The following DNER variants were observed in gnomAD, a reference collection of about 807,000 sequenced individuals.
The protein encoded by DNER is delta/notch like EGF repeat containing, also known as delta and Notch-like epidermal growth factor-related receptor.
In DNER, 33 loss-of-function variants were observed where a neutral mutation model predicts 78.2. The ratio of observed to expected loss-of-function variants is 0.42; its 90% confidence interval spans 0.32 to 0.56. The LOEUF is 0.56. Among genes scored for constraint, DNER ranks in the 20% least tolerant of loss-of-function variants. The probability of loss-of-function intolerance (pLI) is 0.11; values close to 1 mark genes in which losing one functional copy is unlikely to be tolerated. For synonymous variants in DNER, 417 were observed against 384.8 expected, an observed-to-expected ratio of 1.08 and a Z score of -0.98; for missense variants, 918 against 975.3, an observed-to-expected ratio of 0.94 and a Z score of 0.78.
intron 1 of DNER, among the ~76,000 whole-genome samples, chr2:229,676,098 G>A (rs534122488): frequency 6.6e-6 from 1 of 152,304 alleles, no homozygotes; most frequent in African/African-American, 2.4e-5. Flanking sequence ...AGGGACTGTC[G>A]ACAAGTGTGC....
intron 5 of DNER, among the ~76,000 whole-genome samples, chr2:229,542,680 G>C (rs920669016): frequency 6.6e-6 from 1 of 150,584 alleles, no homozygotes; most frequent in Non-Finnish European, 1.5e-5. Flanking sequence ...AGAAAAAAAC[G>C]TGATGACAAC....
intron 8 of DNER, among the ~76,000 whole-genome samples, chr2:229,421,821 C>A (rs1392210109): frequency 6.6e-6 from 1 of 152,018 alleles, no homozygotes; most frequent in Non-Finnish European, 1.5e-5. Context: ...CCTAGGAGAT[C>A]TTTTAACAAT....
intron 6 of DNER, among the ~76,000 whole-genome samples, chr2:229,485,903 A>G (rs928733638): frequency 1.6e-4 from 25 of 152,146 alleles, no homozygotes; most frequent in Non-Finnish European, 2.6e-4. Flanking sequence ...GAAGGCTCCC[A>G]TGGTGGCAAT....
At chr2:229,655,434 A>T (rs962377891) in intron 1 of DNER, among the ~76,000 whole-genome samples, 3 of 152,154 alleles carry the variant, frequency 2.0e-5, no homozygotes, top group Non-Finnish European at 1.5e-5. Flanking sequence ...ATACCATCAG[A>T]CTCAGGAAAA....
At chr2:229,543,445 G>A (rs566522245) in intron 5 of DNER, among the ~76,000 whole-genome samples, 1 of 152,194 alleles carries the variant, frequency 6.6e-6, no homozygotes, top group Non-Finnish European at 1.5e-5. Flanking sequence ...ACCGCCTTAC[G>A]GAATCAACGT....
rs150647030 is a variant in DNER at position 229,609,538 on chromosome 2, C to T, written c.277-17650G>A. Among the ~76,000 whole-genome samples the T allele has an allele frequency of 1.4e-4, 22 of 152,292 alleles. No homozygotes were observed. In the East Asian group the frequency reaches 3.7e-3, roughly 25 times the overall value. On this transcript the variant is annotated intron_variant, in intron 1 of 12. Transcript: ENST00000341772. ...TTATCTGGCTGCCTTCACATGGCAA[C>T]GGCACAGGTGAACGGTTGCCACAGA...
intron 1 of DNER, among the ~76,000 whole-genome samples, chr2:229,658,550 A>T (rs532602570): frequency 6.6e-6 from 1 of 152,224 alleles, no homozygotes. Context: ...TTCCTTCAAC[A>T]TGAATTCATT....
At chr2:229,696,389 C>A (rs180828306) in intron 1 of DNER, among the ~76,000 whole-genome samples, 1 of 152,288 alleles carries the variant, frequency 6.6e-6, no homozygotes, top group East Asian at 1.9e-4. Context: ...AGGAAACTGA[C>A]CAAATACCAA....
At chr2:229,442,990 C>A (rs1244579591) in intron 8 of DNER, among the ~76,000 whole-genome samples, 2 of 152,036 alleles carry the variant, frequency 1.3e-5, no homozygotes, top group African/African-American at 4.8e-5. Context: ...AGTTACCAGC[C>A]CTTTGGTGAA....
At chr2:229,487,870 C>T (rs1256198002) in intron 6 of DNER, among the ~76,000 whole-genome samples, 1 of 152,216 alleles carries the variant, frequency 6.6e-6, no homozygotes, top group Non-Finnish European at 1.5e-5. Flanking sequence ...GGCACATGTG[C>T]ATGGCAGTGC....
intron 4 of DNER, among the ~76,000 whole-genome samples, chr2:229,559,616 GA>G (rs943805687): frequency 4.0e-5 from 6 of 151,582 alleles, no homozygotes; most frequent in African/African-American, 1.5e-4. Context: ...AGATGCTGGA[GA>G]AAAAAAAGAC....
intron 5 of DNER, among the ~76,000 whole-genome samples, chr2:229,537,470 C>T (rs117780071): frequency 5.1e-4 from 78 of 152,228 alleles, no homozygotes; most frequent in East Asian, 2.9e-3. Flanking sequence ...TATATTAGCT[C>T]TTGGGCCTTG....
intron 3 of DNER, among the ~76,000 whole-genome samples, chr2:229,587,578 A>G (rs925865723): frequency 2.0e-5 from 3 of 152,254 alleles, no homozygotes; most frequent in African/African-American, 7.2e-5. Flanking sequence ...AGTGCAACAG[A>G]TTGGTTAACC....
intron 1 of DNER, among the ~76,000 whole-genome samples, chr2:229,613,572 C>T (rs563125086): frequency 6.6e-6 from 1 of 151,922 alleles, no homozygotes; most frequent in South Asian, 2.1e-4. Flanking sequence ...AAACCACAAA[C>T]ATAATATATG....
Position 229,470,681 on chromosome 2 carries a change from C to G in DNER, c.1261+6459G>C, listed in dbSNP as rs983187235. 3.9e-5 allele frequency among the ~76,000 whole-genome samples: 6 copies of G among 152,208 alleles called. No individual in the cohort carries two copies. In the South Asian group the frequency reaches 1.2e-3, roughly 32 times the overall value. On this transcript the variant is annotated intron_variant, in intron 7 of 12. Coordinates refer to ENST00000341772, the MANE Select transcript of DNER (RefSeq NM_139072.4). ...CCTGGCCAACATGGTGAAACCCCGT[C>G]TCTACTAAAAATACAAAAATTAGCC...
rs1559219165 is a variant in DNER, at chr2:229,714,424, G to C, written c.-1C>G. The C allele has an allele frequency of 8.8e-7, 1 of 1,141,550 alleles. No homozygotes were observed. Among genetic ancestry groups the C allele is most frequent in the African/African-American group, 1.6e-5 (1 of 60,984 alleles). The allele number at this position is 1,141,550 out of a possible 1,614,324, so 70.7% of individuals were successfully genotyped here. A position where few individuals can be genotyped will look rare whatever the true frequency, so the allele number is the denominator to read the frequency against. ...GCGCCTGGGCGCGGCGGGGCTGCAT[G>C]GCCGGCCGGGAGGGCGCGGGAGCCG... is the stretch of plus-strand genomic sequence containing the variant. On this transcript the variant is annotated 5_prime_UTR_variant, in exon 1 of 13. Transcript: ENST00000341772.
chr2:229,680,807 A>G (rs1456540131), intron 1 of DNER, among the ~76,000 whole-genome samples: 1 of 152,242 alleles, frequency 6.6e-6, no homozygotes, highest in Non-Finnish European at 1.5e-5. Context: ...TTCAACAAGT[A>G]TCTAAATTTG....
intron 6 of DNER, among the ~76,000 whole-genome samples, chr2:229,484,135 T>C (rs1361504195): frequency 6.6e-6 from 1 of 152,208 alleles, no homozygotes; most frequent in Non-Finnish European, 1.5e-5. Context: ...TCCACTTGCT[T>C]AAAGTTTTTG....
intron 4 of DNER, among the ~76,000 whole-genome samples, chr2:229,578,438 G>C (rs1697339676): frequency 6.6e-6 from 1 of 152,210 alleles, no homozygotes; most frequent in Admixed American, 6.5e-5. Flanking sequence ...GATTCGTCAA[G>C]AAATGGCTGA....
Sources: allele counts gnomAD v4.1 joint callset (sites outside exome capture counted in the v4.1 genomes callset), GRCh38; gene constraint gnomAD v4.1.1; transcripts MANE v1.5; gene names NCBI Gene and HGNC (gene_info 2026-07-23, HGNC 2026-07-21).